ARMH3: variants seen among roughly 807,000 people sequenced by gnomAD.
ARMH3 encodes the protein armadillo like helical domain containing 3, also known as armadillo-like helical domain-containing protein 3.
ARMH3 carries 60 observed loss-of-function variants against 99.1 expected under a neutral mutation model. That is an observed-to-expected ratio of 0.61 (90% CI 0.49 to 0.75). The LOEUF (loss-of-function observed/expected upper bound fraction) is 0.75, where lower values mean the gene tolerates loss of function less well. Ranked by LOEUF, ARMH3 falls within the 30% of genes least tolerant of loss-of-function variation. ARMH3 has a pLI of 0.00. For missense variants in ARMH3, 679 were observed against 843.1 expected (o/e 0.81, Z 2.41); for synonymous variants, 285 against 292.8 (o/e 0.97, Z 0.27).
chr10:101,991,878 G>A, intron 18 of ARMH3, 91 bp downstream of exon 18: 1 of 1,180,556 alleles, frequency 8.5e-7, no homozygotes, highest in Non-Finnish European at 1.2e-6. Context: ...ATTTGCGGAA[G>A]AAGCACATCA....
At position 101,956,647 on chromosome 10, in the gene ARMH3, T is replaced by TA. The variant is rs1845051066; in HGVS notation, c.1654dup (p.Tyr552LeufsTer3). 1.9e-6 allele frequency: 3 copies of TA among 1,613,700 alleles called. No homozygotes were observed. In the African/African-American group the frequency reaches 4.0e-5, roughly 22 times the overall value. ...CTGGTGCATGCGGATAATCTCATAG[T>TA]AAAGTTCATCATAGCTGCTGGGGGT... On this transcript the variant is annotated frameshift_variant, in exon 22 of 26. Coordinates refer to ENST00000370033, the MANE Select transcript of ARMH3 (RefSeq NM_024541.3). LOFTEE classifies it high-confidence loss of function.
At chr10:101,937,547 A>C (rs887747789) in intron 23 of ARMH3, among the ~76,000 whole-genome samples, 13 of 152,016 alleles carry the variant, frequency 8.6e-5, no homozygotes, top group Admixed American at 7.9e-4. Context: ...AAGAAGAAGA[A>C]GACCTATTAT....
At position 101,944,273 on chromosome 10, in the gene ARMH3, TAGAGAGAGAGAGAGAG is replaced by T. The variant is rs55633048; in HGVS notation, c.1706-4351_1706-4336del. On this transcript the variant is annotated intron_variant, in intron 22 of 25. Transcript: ENST00000370033. ...ATATATATATATATATATATATATA[TAGAGAGAGAGAGAGAG>T]AGAGAGAGAGAGAGAGAGAGAGAGA... Among the ~76,000 whole-genome samples, 86 of 25,348 alleles carry T rather than the reference TAGAGAGAGAGAGAGAG, an allele frequency of 3.4e-3. No homozygotes were observed. In the East Asian group the frequency reaches 0.043, roughly 13 times the overall value. 16.6% of individuals were successfully genotyped at this position (25,348 alleles called of 152,430 possible). A position where few individuals can be genotyped will look rare whatever the true frequency, so the allele number is the denominator to read the frequency against.
chr10:101,998,462 G>A (rs1449605761), intron 15 of ARMH3, among the ~76,000 whole-genome samples: 1 of 152,116 alleles, frequency 6.6e-6, no homozygotes, highest in Non-Finnish European at 1.5e-5. Context: ...CCCTGATATA[G>A]CTCTCTCTTT....
At chr10:102,041,111 A>G (rs1410608000) in intron 1 of ARMH3, among the ~76,000 whole-genome samples, 2 of 140,526 alleles carry the variant, frequency 1.4e-5, no homozygotes, top group South Asian at 2.1e-4. Flanking sequence ...ATATATATAT[A>G]TGTAGGTAAA....
At chr10:101,926,245 T>A (rs1184712349) in intron 23 of ARMH3, among the ~76,000 whole-genome samples, 2 of 152,170 alleles carry the variant, frequency 1.3e-5, no homozygotes, top group Non-Finnish European at 2.9e-5. Flanking sequence ...TGGAGTACAG[T>A]GGTGTGATCA....
chr10:101,927,707 C>A (rs998604788), intron 23 of ARMH3, among the ~76,000 whole-genome samples: 3 of 152,048 alleles, frequency 2.0e-5, no homozygotes, highest in Non-Finnish European at 4.4e-5. Context: ...GGCAGGAGGA[C>A]TGCTTGAGCC....
intron 5 of ARMH3, among the ~76,000 whole-genome samples, chr10:102,028,414 C>A (rs535925333): frequency 1.3e-5 from 2 of 152,132 alleles, no homozygotes; most frequent in Non-Finnish European, 1.5e-5. Flanking sequence ...TACGAGCATA[C>A]ATCCATACAG....
intron 24 of ARMH3, among the ~76,000 whole-genome samples, chr10:101,881,876 A>G (rs2067428171): frequency 6.6e-6 from 1 of 151,964 alleles, no homozygotes; most frequent in South Asian, 2.1e-4. Flanking sequence ...ATTTTATCCA[A>G]TCCCTACCAC....
chr10:101,947,809 A>G (rs920887837), intron 22 of ARMH3, among the ~76,000 whole-genome samples: 2 of 150,610 alleles, frequency 1.3e-5, no homozygotes, highest in Admixed American at 1.3e-4. Flanking sequence ...ATAAATAAAT[A>G]AATAAATAAA....
At chr10:102,023,346 C>G in intron 8 of ARMH3, 131 bp downstream of exon 8, 1 of 812,868 alleles carries the variant, frequency 1.2e-6, no homozygotes, top group Non-Finnish European at 1.9e-6. Context: ...TTTTTAGAAT[C>G]TGGATTATCA....
chr10:101,855,544 T>C (rs2066717897), intron 24 of ARMH3, among the ~76,000 whole-genome samples: 1 of 150,838 alleles, frequency 6.6e-6, no homozygotes, highest in Admixed American at 6.6e-5. Flanking sequence ...ACCCCATCTC[T>C]ATGTTTTATT....
intron 12 of ARMH3, 22 bp downstream of exon 12, chr10:102,009,955 C>G: frequency 6.2e-7 from 1 of 1,610,870 alleles, no homozygotes; most frequent in Non-Finnish European, 8.5e-7. Context: ...CAAGTCACTG[C>G]ACAAGAATGT....
intron 20 of ARMH3, among the ~76,000 whole-genome samples, chr10:101,967,891 G>A (rs1467105241): frequency 6.6e-6 from 1 of 152,116 alleles, no homozygotes; most frequent in Non-Finnish European, 1.5e-5. Flanking sequence ...CTCTCCAGGT[G>A]AACACAGCAC....
chr10:101,877,851 G>A (rs2067307635), intron 24 of ARMH3, among the ~76,000 whole-genome samples: 1 of 152,092 alleles, frequency 6.6e-6, no homozygotes. Flanking sequence ...AATAAGCTGA[G>A]CTCTTCTCTG....
intron 22 of ARMH3, among the ~76,000 whole-genome samples, chr10:101,943,104 C>T (rs1844318169): frequency 6.6e-6 from 1 of 152,160 alleles, no homozygotes. Flanking sequence ...TAAACAGAAG[C>T]TAGAAGTCTT....
intron 5 of ARMH3, among the ~76,000 whole-genome samples, chr10:102,026,037 C>T (rs1277769070): frequency 2.0e-5 from 3 of 152,172 alleles, no homozygotes; most frequent in Non-Finnish European, 4.4e-5. Context: ...TATCACTAGC[C>T]ATATAAACTA....
Position 102,006,583 on chromosome 10 carries a change from T to G in ARMH3, c.1005A>C (p.Thr335=). Residue 335 remains threonine (T), a synonymous_variant, in exon 14 of 26, where the codon ACA becomes ACC. Coordinates refer to ENST00000370033, the MANE Select transcript of ARMH3 (RefSeq NM_024541.3). ...TGGTCCCAAGTGGTGTGACTGGGGT[T>G]GTAGGAGCAGGACTGACAGGGGTCG... ...LVTTPVSPAP[T]TPVTPLGTTP... 1 of 1,614,058 alleles carries G rather than the reference T, an allele frequency of 6.2e-7. No homozygotes were observed. Among genetic ancestry groups the G allele is most frequent in the South Asian group, 1.1e-5 (1 of 91,086 alleles).
chr10:102,023,656 G>A lies in ARMH3; in HGVS notation c.582+19C>T. 1 of 1,611,476 alleles carries A rather than the reference G, an allele frequency of 6.2e-7. No homozygotes were observed. Among genetic ancestry groups the A allele is most frequent in the Non-Finnish European group, 8.5e-7 (1 of 1,177,582 alleles). ...AAGAGGTGGTTTACCCCAAAGAGAG[G>A]AGGTAACAAGGGACCTACCTGTAAA... On this transcript the variant is annotated intron_variant, in intron 7 of 25. Transcript: ENST00000370033.
Sources: allele counts gnomAD v4.1 joint callset (sites outside exome capture counted in the v4.1 genomes callset), GRCh38; gene constraint gnomAD v4.1.1; transcripts MANE v1.5; gene names NCBI Gene and HGNC (gene_info 2026-07-23, HGNC 2026-07-21).